The following NOX4 variants were observed in gnomAD, a reference collection of about 807,000 sequenced individuals.
NOX4 encodes NADPH oxidase 4.
NOX4 carries 69 observed loss-of-function variants against 87.6 expected under a neutral mutation model. The observed-to-expected ratio is 0.79, with a 90% CI of 0.65 to 0.96. The LOEUF is 0.96. NOX4 is among the 40% of genes least tolerant of loss of function. The pLI, the probability that NOX4 is intolerant of heterozygous loss-of-function variation, is 0.00. For missense variants in NOX4, 680 were observed against 681.5 expected (o/e 1.00, Z 0.02); for synonymous variants, 275 against 238.2 (o/e 1.15, Z -1.42).
intron 11 of NOX4, among the ~76,000 whole-genome samples, chr11:89,398,995 T>A (rs1227805760): frequency 6.6e-6 from 1 of 151,952 alleles, no homozygotes; most frequent in Admixed American, 6.6e-5. Flanking sequence ...TGGGAAAATA[T>A]CTGGAAAGAC....
chr11:89,452,110 C>T (rs1944987982), intron 2 of NOX4, among the ~76,000 whole-genome samples: 1 of 152,174 alleles, frequency 6.6e-6, no homozygotes, highest in Non-Finnish European at 1.5e-5. Context: ...CTTAGTACTC[C>T]TCTCATTAAT....
At chr11:89,500,170 G>T (rs78056431), upstream of NOX4, among the ~76,000 whole-genome samples, 1 of 152,094 alleles carries the variant, frequency 6.6e-6, no homozygotes, top group Non-Finnish European at 1.5e-5. Context: ...GCATCTTAGG[G>T]TTCTGCATTC....
chr11:89,343,689 T>G (rs372473524), intron 13 of NOX4, among the ~76,000 whole-genome samples: 1 of 152,184 alleles, frequency 6.6e-6, no homozygotes, highest in African/African-American at 2.4e-5. Flanking sequence ...GTACATGTTC[T>G]TTAAAAGAAT....
intron 12 of NOX4, among the ~76,000 whole-genome samples, chr11:89,371,422 T>G (rs1939438722): frequency 6.6e-6 from 1 of 151,944 alleles, no homozygotes; most frequent in African/African-American, 2.4e-5. Context: ...TAGAGATGAT[T>G]AAAATAGTAA....
In NOX4 at chr11:89,355,853, G is replaced by A. The variant is rs550045424; in HGVS notation, c.1136-810C>T. The stretch of plus-strand genomic sequence containing the variant: ...CATGTGTCTTAGACAGCAAGTATGA[G>A]CATGTTCACAGTAGCACCACTCATA... On this transcript the variant is annotated intron_variant, in intron 12 of 17. Coordinates refer to ENST00000263317, the MANE Select transcript of NOX4 (RefSeq NM_016931.5). Among the ~76,000 whole-genome samples the A allele has an allele frequency of 2.0e-5, 3 of 152,204 alleles. No individual in the cohort carries two copies. The East Asian group carries it at 5.8e-4, about 29-fold the overall frequency.
At chr11:89,490,398 T>C in intron 2 of NOX4, 60 bp downstream of exon 2, 1 of 1,137,244 alleles carries the variant, frequency 8.8e-7, no homozygotes. Flanking sequence ...ACCAAACCTG[T>C]AGCAATGTCT....
At chr11:89,555,062 A>AGT in the NOX4 span, among the ~76,000 whole-genome samples, 1 of 152,164 alleles carries the variant, frequency 6.6e-6, no homozygotes, top group Non-Finnish European at 1.5e-5. Flanking sequence ...GAAGCTTAAT[A>AGT]GTGGTACAAG....
Position 89,395,442 on chromosome 11 carries a change from A to G in NOX4, c.1074+4575T>C, listed in dbSNP as rs565658517. On this transcript the variant is annotated intron_variant, in intron 11 of 17. Coordinates refer to ENST00000263317, the MANE Select transcript of NOX4 (RefSeq NM_016931.5). ...TGGTAGATTGCAAAAATTTTCTCCC[A>G]TTCTGTAGGTTGCCTGTTCACTCTG... Among the ~76,000 whole-genome samples the G allele has an allele frequency of 1.3e-4, 20 of 152,218 alleles. No homozygotes were observed. In the South Asian group the frequency reaches 4.2e-3, roughly 32 times the overall value.
At chr11:89,442,720 T>C (rs183527269) in intron 5 of NOX4, among the ~76,000 whole-genome samples, 14 of 152,296 alleles carry the variant, frequency 9.2e-5, no homozygotes, top group African/African-American at 2.9e-4. Context: ...AAATATTTTA[T>C]ATTGAGCATG....
rs577527238 is a variant in NOX4, at chr11:89,442,998, G to C, written c.447+1137C>G. 2.8e-3 allele frequency among the ~76,000 whole-genome samples: 422 copies of C among 152,166 alleles called. 4 individuals are homozygous for C. The highest frequency in any genetic ancestry group is 9.5e-3 in the African/African-American group (396 of 41,530). On this transcript the variant is annotated intron_variant, in intron 5 of 17. Transcript: ENST00000263317. ...GTGAGATGGGCAGAAGTGGAGGCTG[G>C]GTCTGAAATTACATGTGAAGCGCTG... is the stretch of plus-strand genomic sequence containing the variant.
chr11:89,553,622 A>C, the NOX4 span, among the ~76,000 whole-genome samples: 14 of 152,178 alleles, frequency 9.2e-5, no homozygotes, highest in Admixed American at 9.2e-4. Context: ...AGACAAAAAA[A>C]AATTCATTAT....
At chr11:89,403,398 T>C (rs1941985924) in intron 8 of NOX4, among the ~76,000 whole-genome samples, 1 of 152,222 alleles carries the variant, frequency 6.6e-6, no homozygotes, top group African/African-American at 2.4e-5. Flanking sequence ...GTATATTTTA[T>C]TATTTTAAAG....
the NOX4 span, among the ~76,000 whole-genome samples, chr11:89,507,564 G>C: frequency 6.6e-6 from 1 of 151,642 alleles, no homozygotes; most frequent in Non-Finnish European, 1.5e-5. Flanking sequence ...AACTATGTGT[G>C]TGTATATAGG....
At chr11:89,439,084 C>T (rs1944344825) in intron 6 of NOX4, among the ~76,000 whole-genome samples, 1 of 139,024 alleles carries the variant, frequency 7.2e-6, no homozygotes, top group South Asian at 2.2e-4. Flanking sequence ...AATATTAGTG[C>T]CTTAATGTGA....
intron 5 of NOX4, 53 bp downstream of exon 5, chr11:89,444,082 A>G: frequency 2.0e-6 from 3 of 1,479,368 alleles, no homozygotes; most frequent in Non-Finnish European, 1.9e-6. Flanking sequence ...ACAGACCCTC[A>G]TTAGTCATCT....
the NOX4 span, among the ~76,000 whole-genome samples, chr11:89,562,552 C>T: frequency 6.6e-6 from 1 of 152,088 alleles, no homozygotes; most frequent in Non-Finnish European, 1.5e-5. Context: ...CTTAACATGG[C>T]ACATAAGATA....
intron 2 of NOX4, among the ~76,000 whole-genome samples, chr11:89,476,215 G>A (rs1445689773): frequency 6.6e-6 from 1 of 151,864 alleles, no homozygotes; most frequent in Admixed American, 6.6e-5. Context: ...TCCTTTTAAT[G>A]TTCTCTTTTA....
At chr11:89,504,380 A>G in the NOX4 span, among the ~76,000 whole-genome samples, 1 of 151,960 alleles carries the variant, frequency 6.6e-6, no homozygotes, top group East Asian at 1.9e-4. Flanking sequence ...GACAAAATAG[A>G]CATGTTTTAA....
the NOX4 span, among the ~76,000 whole-genome samples, chr11:89,539,375 T>C: frequency 6.6e-6 from 1 of 152,000 alleles, no homozygotes; most frequent in Admixed American, 6.6e-5. Context: ...GAGGTTGCAG[T>C]GAGCTGAGAT....
Sources: gnomAD v4.1 joint callset for allele counts (sites outside exome capture counted in the v4.1 genomes callset) on GRCh38, gnomAD v4.1.1 for gene constraint, MANE v1.5 for transcripts, NCBI Gene and HGNC (gene_info 2026-07-23, HGNC 2026-07-21) for gene names.